Variants in CENPP observed in about 807,000 individuals in gnomAD.
CENPP encodes the protein centromere protein P.
CENPP carries 24 observed loss-of-function variants against 35.6 expected under a neutral mutation model. That is an observed-to-expected ratio of 0.67 (90% CI 0.49 to 0.95). The LOEUF (loss-of-function observed/expected upper bound fraction) is 0.95, where lower values mean the gene tolerates loss of function less well. CENPP is among the 40% of genes least tolerant of loss of function. The pLI, the probability that CENPP is intolerant of heterozygous loss-of-function variation, is 0.00. For missense variants in CENPP, 332 were observed against 345.3 expected (o/e 0.96, Z 0.31); for synonymous variants, 120 against 125.5 (o/e 0.96, Z 0.29).
intron 5 of CENPP, among the ~76,000 whole-genome samples, chr9:92,527,615 G>A (rs925671602): frequency 4.6e-5 from 7 of 152,164 alleles, no homozygotes; most frequent in African/African-American, 1.7e-4. Flanking sequence ...GAAATTCCAA[G>A]GGTATCTAAA....
intron 4 of CENPP, among the ~76,000 whole-genome samples, chr9:92,347,124 A>G (rs545269321): frequency 1.4e-4 from 22 of 152,344 alleles, no homozygotes; most frequent in Admixed American, 1.2e-3. Context: ...AAAAGGCCCT[A>G]GAACTGAGCC....
intron 5 of CENPP, among the ~76,000 whole-genome samples, chr9:92,410,992 T>G (rs527530343): frequency 1.3e-5 from 2 of 152,274 alleles, no homozygotes; most frequent in Non-Finnish European, 2.9e-5. Flanking sequence ...TTTTTCCTTT[T>G]GAGACAGAGT....
At chr9:92,438,104 G>A (rs1844292964) in intron 5 of CENPP, among the ~76,000 whole-genome samples, 1 of 152,144 alleles carries the variant, frequency 6.6e-6, no homozygotes, top group Non-Finnish European at 1.5e-5. Context: ...CACTGCACTG[G>A]GACCAATTTA....
chr9:92,356,997 T>TTTAAA (rs1841605580), intron 4 of CENPP, among the ~76,000 whole-genome samples: 5 of 152,224 alleles, frequency 3.3e-5, no homozygotes, highest in Non-Finnish European at 5.9e-5. Context: ...TTCTTTAAAA[T>TTTAAA]GCATTAGTTT....
intron 5 of CENPP, among the ~76,000 whole-genome samples, chr9:92,584,891 C>A (rs1423747128): frequency 6.6e-6 from 1 of 152,170 alleles, no homozygotes; most frequent in African/African-American, 2.4e-5. Flanking sequence ...TTCGTACATT[C>A]ATGAATTCAG....
chr9:92,424,983 C>A (rs780278975), intron 5 of CENPP, among the ~76,000 whole-genome samples: 6 of 152,180 alleles, frequency 3.9e-5, no homozygotes, highest in Non-Finnish European at 7.4e-5. Flanking sequence ...GCCTGGAACT[C>A]AAAATTTCTT....
chr9:92,337,167 A>G (rs1036855458), intron 2 of CENPP, among the ~76,000 whole-genome samples: 2 of 152,104 alleles, frequency 1.3e-5, no homozygotes, highest in South Asian at 4.1e-4. Flanking sequence ...AAAATACAAA[A>G]ATTAGCCAGG....
chr9:92,388,616 G>A (rs1159928555), intron 5 of CENPP, among the ~76,000 whole-genome samples: 5 of 151,594 alleles, frequency 3.3e-5, no homozygotes, highest in Admixed American at 6.6e-5. Context: ...CAAAGTGGGC[G>A]GATCACCTGA....
chr9:92,389,413 C>A (rs1436659584), intron 5 of CENPP, among the ~76,000 whole-genome samples: 1 of 152,128 alleles, frequency 6.6e-6, no homozygotes, highest in Non-Finnish European at 1.5e-5. Flanking sequence ...ATTTCACAGT[C>A]TAATATCTTT....
At chr9:92,607,509 T>C (rs1264452439) in intron 5 of CENPP, among the ~76,000 whole-genome samples, 1 of 152,180 alleles carries the variant, frequency 6.6e-6, no homozygotes, top group Non-Finnish European at 1.5e-5. Flanking sequence ...TGCACCACCT[T>C]GTGAATATAC....
At chr9:92,573,355 T>C (rs773389816) in intron 5 of CENPP, among the ~76,000 whole-genome samples, 39 of 152,358 alleles carry the variant, frequency 2.6e-4, no homozygotes, top group Non-Finnish European at 4.9e-4. Context: ...TGGAGTTTGC[T>C]GGAGGTCCAC....
chr9:92,547,950 A>AT (rs1202805867), intron 5 of CENPP, among the ~76,000 whole-genome samples: 3 of 152,160 alleles, frequency 2.0e-5, no homozygotes, highest in Non-Finnish European at 4.4e-5. Context: ...TTTTTCCTTC[A>AT]TTTTCTTATG....
At chr9:92,573,374 C>CT (rs760846697) in intron 5 of CENPP, among the ~76,000 whole-genome samples, 112 of 152,292 alleles carry the variant, frequency 7.4e-4, no homozygotes, top group Non-Finnish European at 1.4e-3. Context: ...ACTCCAGACC[C>CT]TTTTTGCCTG....
intron 4 of CENPP, among the ~76,000 whole-genome samples, chr9:92,372,186 C>G (rs1423466847): frequency 9.3e-6 from 1 of 107,220 alleles, no homozygotes; most frequent in African/African-American, 3.6e-5. Flanking sequence ...CCACCACTTG[C>G]TTTTGGATTT....
intron 5 of CENPP, among the ~76,000 whole-genome samples, chr9:92,596,803 ACCT>A (rs1412602896): frequency 6.6e-6 from 1 of 152,084 alleles, no homozygotes; most frequent in African/African-American, 2.4e-5. Flanking sequence ...TTTTTTTATA[ACCT>A]TCCTCTATAA....
intron 4 of CENPP, among the ~76,000 whole-genome samples, chr9:92,376,447 G>A (rs189303825): frequency 6.6e-6 from 1 of 152,286 alleles, no homozygotes; most frequent in Admixed American, 6.5e-5. Context: ...ACACACCACT[G>A]TGAGGTTAAG....
rs138321845 is a variant in CENPP, at chr9:92,457,277, A to G, written c.564+77418A>G. On this transcript the variant is annotated intron_variant, in intron 5 of 7. Transcript: ENST00000375587. ...ATCTTATATTAAATGGACATTACCA[A>G]TTACTAATTATTACATTCCAAAGTT... 200 of 1,610,716 alleles carry G rather than the reference A, an allele frequency of 1.2e-4. 1 individual carries two copies. The East Asian group carries it at 3.9e-3, about 31-fold the overall frequency.
At chr9:92,332,939 C>T (rs566599144) in intron 2 of CENPP, among the ~76,000 whole-genome samples, 39 of 151,322 alleles carry the variant, frequency 2.6e-4, no homozygotes, top group Non-Finnish European at 3.7e-4. Flanking sequence ...TCATTAAGTA[C>T]CTTAATAGTC....
intron 5 of CENPP, chr9:92,523,001 C>T (rs1282440253): frequency 9.5e-7 from 1 of 1,048,584 alleles, no homozygotes; most frequent in Non-Finnish European, 1.3e-6. Flanking sequence ...TGAGAAATTA[C>T]ACTTATGATA....
Sources: allele counts gnomAD v4.1 joint callset (sites outside exome capture counted in the v4.1 genomes callset), GRCh38; gene constraint gnomAD v4.1.1; transcripts MANE v1.5; gene names NCBI Gene and HGNC (gene_info 2026-07-23, HGNC 2026-07-21).